Variants in SLFN5 observed in about 807,000 individuals in gnomAD.
SLFN5 encodes the protein schlafen family member 5.
In SLFN5, 34 loss-of-function variants were observed where a neutral mutation model predicts 48.5. That is an observed-to-expected ratio of 0.70 (90% CI 0.53 to 0.93). The LOEUF is 0.93. Ranked by LOEUF, SLFN5 falls within the 40% of genes least tolerant of loss-of-function variation. SLFN5 has a pLI of 0.00. For missense variants in SLFN5, 1,006 were observed against 1,071.3 expected (o/e 0.94, Z 0.85); for synonymous variants, 387 against 396.2 (o/e 0.98, Z 0.28).
intron 2 of SLFN5, among the ~76,000 whole-genome samples, chr17:35,260,495 G>A (rs1029414360): frequency 1.3e-5 from 2 of 152,020 alleles, no homozygotes; most frequent in African/African-American, 4.8e-5. Context: ...GAGGCCGAGG[G>A]GGGCAGATCA....
rs1164565274 is a variant in SLFN5 at position 35,259,669 on chromosome 17, G to T, written c.979G>T (p.Glu327Ter). ...CCGTGTGAGACAATTGCCCACAAGA[G>T]AATGGACTGCTTGGATGATGGAAGC... ...DNRVRQLPTR[E>*]WTAWMMEADP... Residue 327 changes from glutamate (E) to a stop codon, truncating the protein, a stop_gained, in exon 2 of 5, where the codon GAA becomes TAA. Transcript: ENST00000299977. LOFTEE classifies it high-confidence loss of function. 1 of 1,600,804 alleles carries T rather than the reference G, an allele frequency of 6.2e-7. No individual in the cohort carries two copies.
chr17:35,256,613 A>G (rs1904350369), intron 1 of SLFN5, among the ~76,000 whole-genome samples: 1 of 152,156 alleles, frequency 6.6e-6, no homozygotes, highest in Non-Finnish European at 1.5e-5. Flanking sequence ...TAAAGACACA[A>G]AGCTGGCAAA....
intron 1 of SLFN5, among the ~76,000 whole-genome samples, chr17:35,250,161 T>A (rs1409260632): frequency 6.6e-6 from 1 of 152,230 alleles, no homozygotes. Context: ...CAGTAGTGCC[T>A]AACCCACACA....
chr17:35,253,398 G>T (rs1420269539), intron 1 of SLFN5, among the ~76,000 whole-genome samples: 1 of 151,938 alleles, frequency 6.6e-6, no homozygotes, highest in Non-Finnish European at 1.5e-5. Flanking sequence ...TGGAGACAGG[G>T]TCTCCCTCTG....
intron 3 of SLFN5, among the ~76,000 whole-genome samples, chr17:35,261,530 A>G (rs561249434): frequency 3.3e-5 from 5 of 151,826 alleles, no homozygotes; most frequent in Non-Finnish European, 5.9e-5. Context: ...CTACTATGCC[A>G]GGCTAATTTT....
chr17:35,266,622 A>C lies in SLFN5; in HGVS notation c.*734A>C, dbSNP rs969619475. The C allele has an allele frequency of 6.6e-6, 1 of 152,136 alleles. No homozygotes were observed. 9.4% of individuals were successfully genotyped at this position (152,136 alleles called of 1,614,324 possible). On this transcript the variant is annotated 3_prime_UTR_variant, in exon 5 of 5. Transcript: ENST00000299977. Reference sequence around the variant, plus strand: ...CTTATGGAGCGTCTTAGGTTACTACATGAAGGTAAGACTGCCACAGTCCCC... The same window carrying C: ...CTTATGGAGCGTCTTAGGTTACTACCTGAAGGTAAGACTGCCACAGTCCCC...
chr17:35,252,344 T>A (rs1345129406), intron 1 of SLFN5, among the ~76,000 whole-genome samples: 1 of 152,096 alleles, frequency 6.6e-6, no homozygotes, highest in African/African-American at 2.4e-5. Context: ...GGCAGGAGGA[T>A]AGCTTGAGCC....
At chr17:35,247,457 CTG>C (rs1212984910) in intron 1 of SLFN5, among the ~76,000 whole-genome samples, 5 of 152,214 alleles carry the variant, frequency 3.3e-5, no homozygotes, top group Non-Finnish European at 7.3e-5. Flanking sequence ...CATCTGCCCA[CTG>C]TGTGGACTCC....
In SLFN5 at chr17:35,253,594, T is replaced by A. The variant is rs964424242; in HGVS notation, c.-40-5057T>A. Among the ~76,000 whole-genome samples the A allele has an allele frequency of 7.2e-5, 11 of 152,116 alleles. No individual in the cohort carries two copies. The Middle Eastern group carries it at 0.01, about 142-fold the overall frequency. ...CCCATTATGTTGCCCAGGCTGGTCTTAAGCTCCTGGCCTCAAGCAATCCTC... is the reference window on the plus strand; with the variant it reads ...CCCATTATGTTGCCCAGGCTGGTCTAAAGCTCCTGGCCTCAAGCAATCCTC... On this transcript the variant is annotated intron_variant, in intron 1 of 4. Coordinates refer to ENST00000299977, the MANE Select transcript of SLFN5 (RefSeq NM_144975.4).
chr17:35,264,481 G>A lies in SLFN5; in HGVS notation c.1437G>A (p.Val479=). 1 of 1,614,152 alleles carries A rather than the reference G, an allele frequency of 6.2e-7. No homozygotes were observed. The highest frequency in any genetic ancestry group is 8.5e-7 in the Non-Finnish European group (1 of 1,180,020). The change falls in exon 4 of 5, where the codon GTG becomes GTA. Residue 479 remains valine, a synonymous_variant. Coordinates refer to ENST00000299977, the MANE Select transcript of SLFN5 (RefSeq NM_144975.4). ...IVAYSLKQKL[V]NKGGYTGRLC... is the part of the protein sequence containing the mutation. ...CCTATTCTTTGAAGCAGAAGCTGGT[G>A]AACAAAGGCGGCTACACTGGGAGGT...
At chr17:35,244,806 G>C (rs2092427037) in intron 1 of SLFN5, among the ~76,000 whole-genome samples, 1 of 152,090 alleles carries the variant, frequency 6.6e-6, no homozygotes, top group Admixed American at 6.5e-5. Context: ...AGCTGGATGT[G>C]ATGACACATG....
Position 35,259,715 on chromosome 17 carries a change from T to C in SLFN5, c.1012+13T>C. 1.3e-6 allele frequency: 2 copies of C among 1,598,138 alleles called. No individual in the cohort carries two copies. The highest frequency in any genetic ancestry group is 1.7e-6 in the Non-Finnish European group (2 of 1,178,792). On this transcript the variant is annotated intron_variant, in intron 2 of 4. Transcript: ENST00000299977. ...GAAGCTGACCCAGGTTAGGGAGCAA[T>C]ATCCACAATGGTTGTAATGTTTGCT...
chr17:35,254,768 G>A (rs1440095914), intron 1 of SLFN5, among the ~76,000 whole-genome samples: 2 of 152,216 alleles, frequency 1.3e-5, no homozygotes, highest in East Asian at 3.8e-4. Flanking sequence ...TGTAATCCCA[G>A]CAATTTGGGA....
intron 2 of SLFN5, 85 bp downstream of exon 2, chr17:35,259,787 C>A: frequency 6.9e-7 from 1 of 1,451,636 alleles, no homozygotes; most frequent in African/African-American, 1.4e-5. Flanking sequence ...ATATGGTATT[C>A]CTTGGAATCT....
In SLFN5 at chr17:35,265,149, T is replaced by C; in HGVS notation, c.1937T>C (p.Ile646Thr). The C allele has an allele frequency of 6.2e-7, 1 of 1,614,176 alleles. No individual in the cohort carries two copies. The highest frequency in any genetic ancestry group is 8.5e-7 in the Non-Finnish European group (1 of 1,180,030). ...AACAACTTTGAACACATCCAGCACA[T>C]TATCATTGATGACGCTCAGAATTTC... ...MKNNFEHIQH[I>T]IIDDAQNFRT... The change falls in exon 5 of 5, where the codon ATT becomes ACT. Residue 646 changes from isoleucine to threonine, a missense_variant. Transcript: ENST00000299977.
At position 35,258,670 on chromosome 17, in the gene SLFN5, A is replaced by G. The variant is rs1904414288; in HGVS notation, c.-21A>G. ...TTTCAGGAGAACATTTCAGGATAGG[A>G]ATAGGCCAAGTGCTGAGAAGATGAG... On this transcript the variant is annotated 5_prime_UTR_variant, in exon 2 of 5. Coordinates refer to ENST00000299977, the MANE Select transcript of SLFN5 (RefSeq NM_144975.4). 6.2e-7 allele frequency: 1 copy of G among 1,601,144 alleles called. No individual in the cohort carries two copies. The highest frequency in any genetic ancestry group is 8.5e-7 in the Non-Finnish European group (1 of 1,172,072).
Position 35,259,592 on chromosome 17 carries a change from T to C in SLFN5, c.902T>C (p.Phe301Ser), listed in dbSNP as rs778427908. 2.5e-6 allele frequency: 4 copies of C among 1,612,014 alleles called. No homozygotes were observed. Among genetic ancestry groups the C allele is most frequent in the Non-Finnish European group, 3.4e-6 (4 of 1,180,026 alleles). ...GTCTGTGCAATCAAGGTGGAGAAAT[T>C]CTGCTGTGCGGTGTTTGCCAAAGTG... ...GYVCAIKVEK[F>S]CCAVFAKVPS... The change falls in exon 2 of 5, where the codon TTC (phenylalanine) becomes TCC (serine). Residue 301 changes from phenylalanine to serine, a missense_variant. Coordinates refer to ENST00000299977, the MANE Select transcript of SLFN5 (RefSeq NM_144975.4).
Position 35,265,441 on chromosome 17 carries a change from GA to G in SLFN5, c.2230del (p.Met744CysfsTer15). ...PPNLPPGSLV[M>X]LYEPKWAQGV... ...CTAACCTCCCCCCTGGGTCCCTGGTGATGCTCTATGAACCTAAATGGGCTCA... is the reference window on the plus strand; with the variant it reads ...CTAACCTCCCCCCTGGGTCCCTGGTGTGCTCTATGAACCTAAATGGGCTCA... On this transcript the variant is annotated frameshift_variant, in exon 5 of 5. Coordinates refer to ENST00000299977, the MANE Select transcript of SLFN5 (RefSeq NM_144975.4). LOFTEE classifies it low-confidence loss of function (END_TRUNC). 6.2e-7 allele frequency: 1 copy of G among 1,614,224 alleles called. No individual in the cohort carries two copies.
Position 35,266,037 on chromosome 17 carries a change from T to C in SLFN5, c.*149T>C. 2 of 822,026 alleles carry C rather than the reference T, an allele frequency of 2.4e-6. No individual in the cohort carries two copies. The highest frequency in any genetic ancestry group is 1.8e-6 in the Non-Finnish European group (1 of 546,512). The allele number at this position is 822,026 out of a possible 1,614,324, so 50.9% of individuals were successfully genotyped here. On this transcript the variant is annotated 3_prime_UTR_variant, in exon 5 of 5. Transcript: ENST00000299977. The stretch of plus-strand genomic sequence containing the variant: ...GATTGAGAACGAATCGATGTAAGAT[T>C]CCTCCTTTAGGGCAGAGACAGACCA...
Sources: gnomAD v4.1 joint callset for allele counts (sites outside exome capture counted in the v4.1 genomes callset) on GRCh38, gnomAD v4.1.1 for gene constraint, MANE v1.5 for transcripts, NCBI Gene and HGNC (gene_info 2026-07-23, HGNC 2026-07-21) for gene names.